The following TSEN2 variants were observed in gnomAD, a reference collection of about 807,000 sequenced individuals.
TSEN2 encodes the protein tRNA splicing endonuclease subunit 2, also known as tRNA-splicing endonuclease subunit Sen2.
A neutral mutation model predicts 59.2 loss-of-function variants in TSEN2; 54 were observed. The observed-to-expected ratio is 0.91, with a 90% CI of 0.73 to 1.14. TSEN2 has a LOEUF of 1.14. TSEN2 is among the 50% of genes most tolerant of loss of function. The pLI is 0.00. For missense variants in TSEN2, 636 were observed against 576.2 expected, an observed-to-expected ratio of 1.10 and a Z score of -1.06; for synonymous variants, 195 against 198.2, an observed-to-expected ratio of 0.98 and a Z score of 0.14.
At chr3:12,490,402 C>G (rs1365676127) in intron 2 of TSEN2, among the ~76,000 whole-genome samples, 1 of 152,248 alleles carries the variant, frequency 6.6e-6, no homozygotes, top group Admixed American at 6.5e-5. Context: ...TGTCCCTACT[C>G]AGGCACGGAT....
intron 4 of TSEN2, among the ~76,000 whole-genome samples, chr3:12,497,352 A>G (rs1285515556): frequency 6.6e-6 from 1 of 152,166 alleles, no homozygotes; most frequent in African/African-American, 2.4e-5. Context: ...GATTTTGTTC[A>G]TCTTGCTTCT....
At chr3:12,508,944 T>C (rs1454183655) in intron 6 of TSEN2, among the ~76,000 whole-genome samples, 1 of 152,208 alleles carries the variant, frequency 6.6e-6, no homozygotes, top group African/African-American at 2.4e-5. Flanking sequence ...CACTGAAGCC[T>C]CATACTCCTG....
chr3:12,503,234 T>A, intron 4 of TSEN2, 28 bp from the exon 5 acceptor site: 1 of 1,614,128 alleles, frequency 6.2e-7, no homozygotes, highest in Non-Finnish European at 8.5e-7. Context: ...ATTCGAGTGC[T>A]GTTTCTAACA....
At position 12,484,688 on chromosome 3, in the gene TSEN2, C is replaced by T. The variant is rs570397220; in HGVS notation, c.-210C>T. On this transcript the variant is annotated 5_prime_UTR_variant, in exon 1 of 12. Transcript: ENST00000284995. ...GTGCCGGGACGGGGAGCCAGGCTTC[C>T]GAGTGCGCCCGGTCACTGACTCCTC... The T allele has an allele frequency of 6.6e-6, 1 of 152,426 alleles. No individual in the cohort carries two copies. Among genetic ancestry groups the T allele is most frequent in the Admixed American group, 6.5e-5 (1 of 15,306 alleles). The allele number at this position is 152,426 out of a possible 1,614,324, so 9.4% of individuals were successfully genotyped here.
rs1019421875 is a variant in TSEN2 at position 12,500,445 on chromosome 3, G to A, written c.309-2817G>A. Reference sequence around the variant, plus strand: ...GCCTGGTTCTGGTATGTGACAGAAGGCACAGAGGTAGAAGTGCTAAGTGGC... The same window carrying A: ...GCCTGGTTCTGGTATGTGACAGAAGACACAGAGGTAGAAGTGCTAAGTGGC... On this transcript the variant is annotated intron_variant, in intron 4 of 11. Coordinates refer to ENST00000284995, the MANE Select transcript of TSEN2 (RefSeq NM_025265.4). Among the ~76,000 whole-genome samples the A allele has an allele frequency of 5.5e-5, 8 of 144,836 alleles. No homozygotes were observed. The Admixed American group carries it at 5.8e-4, about 10-fold the overall frequency.
At chr3:12,487,166 T>C (rs2052700609) in intron 1 of TSEN2, among the ~76,000 whole-genome samples, 1 of 152,178 alleles carries the variant, frequency 6.6e-6, no homozygotes, top group South Asian at 2.1e-4. Context: ...AGAAAGTGGG[T>C]TGTGCAAGGT....
upstream of TSEN2, among the ~76,000 whole-genome samples, chr3:12,482,405 G>A (rs1185429429): frequency 6.6e-6 from 1 of 152,218 alleles, no homozygotes; most frequent in Non-Finnish European, 1.5e-5. Context: ...ACAGGCATGA[G>A]CCACCGTGCC....
chr3:12,494,490 G>A (rs1387333938), intron 3 of TSEN2, among the ~76,000 whole-genome samples: 2 of 152,118 alleles, frequency 1.3e-5, no homozygotes, highest in African/African-American at 4.8e-5. Context: ...TCCACTTCCT[G>A]GGTTCAAGCG....
chr3:12,539,369 A>G, exon 11 of TSEN2: 1 of 310,838 alleles, frequency 3.2e-6, no homozygotes, highest in South Asian at 2.5e-5. Flanking sequence ...CCTGACCTCA[A>G]GTGATCTGCC....
At chr3:12,539,142 T>A (rs1031508510) in intron 10 of TSEN2, 1 of 445,718 alleles carries the variant, frequency 2.2e-6, no homozygotes, top group African/African-American at 2.0e-5. Flanking sequence ...TTTTTCTTTT[T>A]TTTTTTCTTG....
intron 6 of TSEN2, among the ~76,000 whole-genome samples, chr3:12,505,899 C>T (rs368546559): frequency 4.6e-5 from 7 of 150,590 alleles, no homozygotes; most frequent in Admixed American, 3.9e-4. Flanking sequence ...CAGGAGGTCA[C>T]GTCTGCAGTG....
At chr3:12,510,648 A>C (rs2055348318) in intron 6 of TSEN2, among the ~76,000 whole-genome samples, 2 of 151,938 alleles carry the variant, frequency 1.3e-5, no homozygotes, top group African/African-American at 4.8e-5. Context: ...CGTTTTTCCC[A>C]CATTTCTTTT....
chr3:12,528,179 G>GT (rs1441927712), intron 8 of TSEN2, among the ~76,000 whole-genome samples: 17 of 152,188 alleles, frequency 1.1e-4, no homozygotes, highest in Middle Eastern at 3.2e-3. Context: ...AGAGTAGTGA[G>GT]TCAGACACTT....
chr3:12,483,380 G>A (rs1434626277), upstream of TSEN2, among the ~76,000 whole-genome samples: 3 of 152,028 alleles, frequency 2.0e-5, no homozygotes, highest in African/African-American at 4.8e-5. Flanking sequence ...GCCAGGCTCC[G>A]TCTCAAAAAA....
chr3:12,482,755 A>T (rs922727065), upstream of TSEN2, among the ~76,000 whole-genome samples: 1 of 152,146 alleles, frequency 6.6e-6, no homozygotes, highest in African/African-American at 2.4e-5. Flanking sequence ...TAAATAAGGA[A>T]GTTTAACTGG....
At chr3:12,535,642 C>T (rs941208534), downstream of TSEN2, among the ~76,000 whole-genome samples, 5 of 152,144 alleles carry the variant, frequency 3.3e-5, no homozygotes, top group African/African-American at 1.2e-4. Context: ...AGCGATTCTC[C>T]TGTCTCAGCC....
chr3:12,489,982 A>G lies in TSEN2; in HGVS notation c.182A>G (p.Tyr61Cys), dbSNP rs1177855358. 1.1e-5 allele frequency: 18 copies of G among 1,614,034 alleles called. No homozygotes were observed. The highest frequency in any genetic ancestry group is 4.0e-5 in the African/African-American group (3 of 74,936). The change falls in exon 2 of 12, where the codon TAT becomes TGT. Residue 61 changes from tyrosine to cysteine, a missense_variant. Coordinates refer to ENST00000284995, the MANE Select transcript of TSEN2 (RefSeq NM_025265.4). ...VRNAEDIEQLYGKGYFGKGIL... is the reference protein window; with the variant it reads ...VRNAEDIEQLCGKGYFGKGIL... ...AATGCGGAGGACATTGAGCAGCTCT[A>G]TGGGAAAGTAAGTGCAGGCAGCCTT... is the stretch of plus-strand genomic sequence containing the variant.
intron 1 of TSEN2, among the ~76,000 whole-genome samples, chr3:12,488,108 G>T (rs1043506096): frequency 1.3e-5 from 2 of 152,074 alleles, no homozygotes; most frequent in African/African-American, 4.8e-5. Flanking sequence ...ATCATCACAC[G>T]TTGGATAAGC....
intron 4 of TSEN2, among the ~76,000 whole-genome samples, chr3:12,498,110 T>A (rs1455639156): frequency 2.0e-5 from 3 of 151,932 alleles, no homozygotes; most frequent in Admixed American, 2.0e-4. Context: ...ACATAATAGA[T>A]GTATGTATTT....
Sources: allele counts gnomAD v4.1 joint callset (sites outside exome capture counted in the v4.1 genomes callset), GRCh38; gene constraint gnomAD v4.1.1; transcripts MANE v1.5; gene names NCBI Gene and HGNC (gene_info 2026-07-23, HGNC 2026-07-21).